PDZD9: variants seen among roughly 807,000 people sequenced by gnomAD.
PDZD9 encodes PDZ domain-containing protein 9.
Under a neutral mutation model 16.3 loss-of-function variants are expected in PDZD9, and 13 were observed. The observed-to-expected ratio is 0.80, with a 90% confidence interval of 0.52 to 1.27. The LOEUF is 1.27. PDZD9 is among the 50% of genes most tolerant of loss of function. The probability of loss-of-function intolerance (pLI) is 0.00; values close to 1 mark genes in which losing one functional copy is unlikely to be tolerated. For synonymous variants in PDZD9, 120 were observed against 111.0 expected (o/e 1.08, Z -0.51); for missense variants, 288 against 310.9 (o/e 0.93, Z 0.55).
chr16:21,978,914 A>G (rs1405130795), downstream of PDZD9, among the ~76,000 whole-genome samples: 32 of 152,210 alleles, frequency 2.1e-4, no homozygotes, highest in Admixed American at 2.1e-3. Flanking sequence ...GCTGAAGTGG[A>G]TATCACAGAA....
At chr16:22,000,558 G>C (rs1296173496) in intron 1 of PDZD9, among the ~76,000 whole-genome samples, 1 of 152,002 alleles carries the variant, frequency 6.6e-6, no homozygotes, top group African/African-American at 2.4e-5. Flanking sequence ...CTTACTGCAT[G>C]GAAATTATAC....
chr16:22,000,440 C>A (rs968146765), intron 1 of PDZD9, among the ~76,000 whole-genome samples: 1 of 150,976 alleles, frequency 6.6e-6, no homozygotes, highest in African/African-American at 2.4e-5. Context: ...CTGGGCATTG[C>A]AAAGTAATTT....
At chr16:21,962,964 G>C in the PDZD9 span, 2 of 1,485,080 alleles carry the variant, frequency 1.3e-6, no homozygotes, top group Admixed American at 2.3e-5. Flanking sequence ...AAAAAAAATT[G>C]CTGTCAAAAT....
intron 1 of PDZD9, among the ~76,000 whole-genome samples, chr16:21,996,846 A>G (rs1899163998): frequency 6.6e-6 from 1 of 152,132 alleles, no homozygotes; most frequent in Admixed American, 6.5e-5. Flanking sequence ...TTTAACAGAC[A>G]ATGTCTCACT....
the PDZD9 span, among the ~76,000 whole-genome samples, chr16:21,964,888 C>T: frequency 6.6e-6 from 1 of 152,178 alleles, no homozygotes; most frequent in Non-Finnish European, 1.5e-5. Context: ...GGAAATACTG[C>T]AGGCAAAAAG....
downstream of PDZD9, among the ~76,000 whole-genome samples, chr16:21,981,844 CTTT>C (rs1245008218): frequency 2.1e-5 from 3 of 142,136 alleles, no homozygotes; most frequent in Non-Finnish European, 3.1e-5. Context: ...TCATACTCTT[CTTT>C]TTTTTTTTTT....
intron 2 of PDZD9, among the ~76,000 whole-genome samples, chr16:21,990,946 TTC>T (rs1899006972): frequency 6.6e-6 from 1 of 152,324 alleles, no homozygotes; most frequent in Non-Finnish European, 1.5e-5. Context: ...ACCTTTTTTT[TTC>T]TGTTTTAATG....
chr16:21,978,294 C>T, the PDZD9 span, among the ~76,000 whole-genome samples: 2 of 152,108 alleles, frequency 1.3e-5, no homozygotes, highest in Non-Finnish European at 2.9e-5. Flanking sequence ...GGTAAAACTG[C>T]AGCATTAAAT....
chr16:21,973,911 G>A, the PDZD9 span: 5 of 1,612,820 alleles, frequency 3.1e-6, no homozygotes, highest in Non-Finnish European at 3.4e-6. Context: ...TGCATTTAAT[G>A]CCAGTTACTC....
chr16:22,000,870 G>GATAATGATGATGATGATA, intron 1 of PDZD9, 147 bp downstream of exon 1: 2 of 618,816 alleles, frequency 3.2e-6, no homozygotes, highest in Non-Finnish European at 5.5e-6. Context: ...TGATGATGAT[G>GATAATGATGATGATGATA]ATGATAATGA....
the PDZD9 span, chr16:21,962,192 G>C: frequency 2.3e-6 from 1 of 428,778 alleles, no homozygotes; most frequent in East Asian, 3.9e-5. Context: ...TTTGTGACTG[G>C]CTTATTATCC....
chr16:21,958,515 A>T, the PDZD9 span: 1 of 1,610,670 alleles, frequency 6.2e-7, no homozygotes, highest in Non-Finnish European at 8.5e-7. Flanking sequence ...TACAAAGATA[A>T]TCATTCTTTC....
chr16:21,982,662 T>C (rs1898760682), downstream of PDZD9, among the ~76,000 whole-genome samples: 1 of 152,198 alleles, frequency 6.6e-6, no homozygotes, highest in South Asian at 2.1e-4. Flanking sequence ...TAGTAATTGC[T>C]GGCTTAGAAT....
the PDZD9 span, chr16:21,962,591 C>T: frequency 1.1e-5 from 18 of 1,600,398 alleles, 1 homozygote; most frequent in South Asian, 2.2e-5. Flanking sequence ...CTTTGTAATG[C>T]GTCATTATGA....
the PDZD9 span, chr16:21,962,717 T>A: frequency 3.7e-6 from 6 of 1,612,390 alleles, no homozygotes; most frequent in East Asian, 1.1e-4. Flanking sequence ...AAATGTTGGC[T>A]TTACATTTTT....
At chr16:21,993,485 A>T (rs1567488515) in intron 2 of PDZD9, among the ~76,000 whole-genome samples, 1 of 152,180 alleles carries the variant, frequency 6.6e-6, no homozygotes, top group Non-Finnish European at 1.5e-5. Flanking sequence ...AATGCTTTGG[A>T]TTTTAAGGTA....
downstream of PDZD9, chr16:21,980,366 C>G: frequency 1.5e-6 from 1 of 662,592 alleles, no homozygotes; most frequent in Non-Finnish European, 2.5e-6. Context: ...TTCAGACTTA[C>G]TGTTTTAGTA....
At chr16:21,976,206 C>A in the PDZD9 span, 3 of 1,614,008 alleles carry the variant, frequency 1.9e-6, no homozygotes, top group Middle Eastern at 1.6e-4. Flanking sequence ...AACAATAGCT[C>A]AAGGAAACCT....
At chr16:21,995,896 A>C (rs1899137627) in intron 2 of PDZD9, among the ~76,000 whole-genome samples, 1 of 152,152 alleles carries the variant, frequency 6.6e-6, no homozygotes. Flanking sequence ...GGTACAAGCG[A>C]TTCTCCTGCC....
Sources: gnomAD v4.1 joint callset for allele counts (sites outside exome capture counted in the v4.1 genomes callset) on GRCh38, gnomAD v4.1.1 for gene constraint, MANE v1.5 for transcripts, NCBI Gene and HGNC (gene_info 2026-07-23, HGNC 2026-07-21) for gene names.